The following NOX3 variants were observed in gnomAD, a reference collection of about 807,000 sequenced individuals.
The protein encoded by NOX3 is NADPH oxidase catalytic subunit-like 3.
In NOX3, 74 loss-of-function variants were observed where a neutral mutation model predicts 76.7. That is an observed-to-expected ratio of 0.96 (90% confidence interval 0.80 to 1.17). The LOEUF is 1.17. NOX3 is among the 50% of genes most tolerant of loss of function. The probability of loss-of-function intolerance (pLI) is 0.00; values close to 1 mark genes in which losing one functional copy is unlikely to be tolerated. For missense variants in NOX3, 695 were observed against 703.3 expected, an observed-to-expected ratio of 0.99 and a Z score of 0.13; for synonymous variants, 263 against 261.1, an observed-to-expected ratio of 1.01 and a Z score of -0.07.
At chr6:155,414,651 G>T in intron 10 of NOX3, among the ~76,000 whole-genome samples, 1 of 130,908 alleles carries the variant, frequency 7.6e-6, no homozygotes, top group Admixed American at 8.1e-5. Flanking sequence ...TTTTTGAGAG[G>T]GAGTCTCTCT....
chr6:155,406,689 C>G (rs1425495483), intron 12 of NOX3, among the ~76,000 whole-genome samples: 1 of 152,166 alleles, frequency 6.6e-6, no homozygotes. Flanking sequence ...ATGGTAAAGG[C>G]AGAACCAGGA....
intron 12 of NOX3, among the ~76,000 whole-genome samples, chr6:155,402,340 T>G (rs1779242730): frequency 6.6e-6 from 1 of 152,216 alleles, no homozygotes; most frequent in African/African-American, 2.4e-5. Context: ...CACATGCATG[T>G]GAATTTGAAT....
At chr6:155,421,232 C>T (rs1241662640) in intron 10 of NOX3, among the ~76,000 whole-genome samples, 1 of 152,170 alleles carries the variant, frequency 6.6e-6, no homozygotes, top group Non-Finnish European at 1.5e-5. Context: ...TTTGATTACC[C>T]ATGTCTTTTC....
chr6:155,432,486 C>G (rs1350606446), intron 7 of NOX3, among the ~76,000 whole-genome samples: 2 of 152,200 alleles, frequency 1.3e-5, no homozygotes, highest in African/African-American at 4.8e-5. Context: ...ACTCATTACT[C>G]AGTGCTCCCT....
At chr6:155,420,804 A>T (rs1036159186) in intron 10 of NOX3, among the ~76,000 whole-genome samples, 2 of 152,222 alleles carry the variant, frequency 1.3e-5, no homozygotes, top group African/African-American at 4.8e-5. Context: ...GTGCTTGATA[A>T]ATCTAGGCCA....
At chr6:155,435,553 T>C (rs1351478712) in intron 7 of NOX3, among the ~76,000 whole-genome samples, 2 of 152,190 alleles carry the variant, frequency 1.3e-5, no homozygotes, top group African/African-American at 4.8e-5. Context: ...CAATCACTTA[T>C]ATTCTTCATA....
intron 10 of NOX3, among the ~76,000 whole-genome samples, chr6:155,412,620 A>G (rs970713342): frequency 2.0e-5 from 3 of 152,098 alleles, no homozygotes; most frequent in African/African-American, 7.2e-5. Flanking sequence ...TCAGGAAGAG[A>G]GAGGGTTGCC....
chr6:155,416,054 G>A (rs1447266312), intron 10 of NOX3, among the ~76,000 whole-genome samples: 1 of 152,180 alleles, frequency 6.6e-6, no homozygotes, highest in Non-Finnish European at 1.5e-5. Flanking sequence ...CCATGAAGGG[G>A]AAGCCCCTCA....
In NOX3 at chr6:155,411,503, GAACA is replaced by G. The variant is rs1467152932; in HGVS notation, c.1309-147_1309-144del. 2.1e-5 allele frequency: 14 copies of G among 679,454 alleles called. No homozygotes were observed. The East Asian group carries it at 2.4e-4, about 11-fold the overall frequency. The allele number at this position is 679,454 out of a possible 1,614,324, so 42.1% of individuals were successfully genotyped here. A position where few individuals can be genotyped will look rare whatever the true frequency, so the allele number is the denominator to read the frequency against. ...CATGCTTTTTTTTGTGTGTGTCAGT[GAACA>G]AACAGTCACACTGTGATTTCTTTTG... On this transcript the variant is annotated intron_variant, in intron 10 of 13. Transcript: ENST00000159060.
intron 4 of NOX3, among the ~76,000 whole-genome samples, chr6:155,452,892 C>T (rs1335317271): frequency 1.3e-5 from 2 of 152,122 alleles, no homozygotes; most frequent in Admixed American, 1.3e-4. Flanking sequence ...ATAATAATAG[C>T]AATAACACTT....
At chr6:155,413,659 G>A (rs1776584379) in intron 10 of NOX3, among the ~76,000 whole-genome samples, 1 of 152,068 alleles carries the variant, frequency 6.6e-6, no homozygotes, top group African/African-American at 2.4e-5. Context: ...ATTTTGCCTT[G>A]CTTTGCTCTG....
At chr6:155,404,744 G>A (rs1776423059) in intron 12 of NOX3, among the ~76,000 whole-genome samples, 1 of 152,132 alleles carries the variant, frequency 6.6e-6, no homozygotes, top group Non-Finnish European at 1.5e-5. Flanking sequence ...AAACACTCCT[G>A]TTTCTCTACA....
chr6:155,455,008 A>T, intron 2 of NOX3, 26 bp downstream of exon 2: 1 of 1,581,128 alleles, frequency 6.3e-7, no homozygotes, highest in Non-Finnish European at 8.6e-7. Flanking sequence ...CTGAAAAAAT[A>T]ATGTTTAATC....
intron 10 of NOX3, among the ~76,000 whole-genome samples, chr6:155,416,650 C>T (rs984997656): frequency 1.7e-4 from 26 of 152,004 alleles, no homozygotes; most frequent in African/African-American, 4.1e-4. Context: ...ATTGCTACTT[C>T]GCCCTGTGGC....
chr6:155,434,509 G>A (rs939146981), intron 7 of NOX3, among the ~76,000 whole-genome samples: 1 of 152,166 alleles, frequency 6.6e-6, no homozygotes, highest in African/African-American at 2.4e-5. Context: ...GGGTTGGACC[G>A]AGCAAAGGAA....
At chr6:155,422,370 G>A (rs1029014651) in intron 10 of NOX3, among the ~76,000 whole-genome samples, 1 of 152,112 alleles carries the variant, frequency 6.6e-6, no homozygotes, top group South Asian at 2.1e-4. Context: ...CTAAGGAGAG[G>A]TTGCCTCTTA....
chr6:155,420,332 G>A (rs1284832844), intron 10 of NOX3, among the ~76,000 whole-genome samples: 4 of 152,314 alleles, frequency 2.6e-5, no homozygotes, highest in East Asian at 1.9e-4. Context: ...TTTTAGTGTC[G>A]TGGAAACCAT....
At chr6:155,415,375 G>C (rs370327048) in intron 10 of NOX3, among the ~76,000 whole-genome samples, 2 of 152,162 alleles carry the variant, frequency 1.3e-5, no homozygotes, top group Non-Finnish European at 2.9e-5. Flanking sequence ...AACTTGTGCC[G>C]TATCTTGAAT....
chr6:155,407,053 T>A (rs971240839), intron 12 of NOX3, 77 bp downstream of exon 12: 17 of 1,537,494 alleles, frequency 1.1e-5, no homozygotes, highest in African/African-American at 2.7e-5. Flanking sequence ...GTACTGCAGA[T>A]TAACTTTTCA....
Sources: allele counts gnomAD v4.1 joint callset (sites outside exome capture counted in the v4.1 genomes callset), GRCh38; gene constraint gnomAD v4.1.1; transcripts MANE v1.5; gene names NCBI Gene and HGNC (gene_info 2026-07-23, HGNC 2026-07-21).